PPP1R9A: variants seen among roughly 807,000 people sequenced by gnomAD.
PPP1R9A encodes the protein neurabin-1.
Under a neutral mutation model 141.9 loss-of-function variants are expected in PPP1R9A, and 59 were observed. The observed-to-expected ratio is 0.42, with a 90% CI of 0.34 to 0.52. PPP1R9A has a LOEUF of 0.52. Among genes scored for constraint, PPP1R9A ranks in the 20% least tolerant of loss-of-function variants. The probability of loss-of-function intolerance (pLI) is 0.10; values close to 1 mark genes in which losing one functional copy is unlikely to be tolerated. For synonymous variants in PPP1R9A, 500 were observed against 569.7 expected, an observed-to-expected ratio of 0.88 and a Z score of 1.74; for missense variants, 1,444 against 1,611.9, an observed-to-expected ratio of 0.90 and a Z score of 1.78.
intron 2 of PPP1R9A, among the ~76,000 whole-genome samples, chr7:94,920,523 T>C (rs990410022): frequency 1.3e-5 from 2 of 152,226 alleles, no homozygotes; most frequent in Non-Finnish European, 2.9e-5. Context: ...ATCTATTTCA[T>C]TGGTATTTTT....
At chr7:95,089,791 T>C (rs1584631678) in intron 2 of PPP1R9A, among the ~76,000 whole-genome samples, 1 of 152,054 alleles carries the variant, frequency 6.6e-6, no homozygotes. Flanking sequence ...TTCTTTAGAC[T>C]AATCAATATG....
chr7:95,095,570 T>C (rs895747241), intron 2 of PPP1R9A, among the ~76,000 whole-genome samples: 1 of 152,222 alleles, frequency 6.6e-6, no homozygotes, highest in Non-Finnish European at 1.5e-5. Context: ...ATACCATTTG[T>C]AGATTTAGCT....
intron 4 of PPP1R9A, among the ~76,000 whole-genome samples, chr7:95,135,314 TG>T (rs1390174724): frequency 1.3e-5 from 2 of 152,238 alleles, no homozygotes; most frequent in African/African-American, 4.8e-5. Context: ...AAATTACTTT[TG>T]CTAAATTACT....
chr7:95,169,078 G>A (rs952861649), intron 5 of PPP1R9A, among the ~76,000 whole-genome samples: 1 of 152,074 alleles, frequency 6.6e-6, no homozygotes, highest in Non-Finnish European at 1.5e-5. Flanking sequence ...AGAGATGGCA[G>A]CATCTCAGTG....
chr7:95,094,233 C>T (rs1817720525), intron 2 of PPP1R9A, among the ~76,000 whole-genome samples: 2 of 152,138 alleles, frequency 1.3e-5, no homozygotes, highest in African/African-American at 4.8e-5. Flanking sequence ...CTTTGGATGT[C>T]TTTCTGCATG....
At chr7:95,139,376 G>A (rs148563241) in intron 4 of PPP1R9A, among the ~76,000 whole-genome samples, 1 of 152,232 alleles carries the variant, frequency 6.6e-6, no homozygotes, top group African/African-American at 2.4e-5. Context: ...ACCTCCTATC[G>A]GGTCCCTCCC....
intron 2 of PPP1R9A, among the ~76,000 whole-genome samples, chr7:95,094,356 A>C (rs1817737427): frequency 6.6e-6 from 1 of 152,200 alleles, no homozygotes; most frequent in African/African-American, 2.4e-5. Flanking sequence ...GGAAAGTACA[A>C]AAAAGTATAC....
intron 4 of PPP1R9A, among the ~76,000 whole-genome samples, chr7:95,141,527 C>G (rs907563391): frequency 2.6e-5 from 4 of 152,106 alleles, no homozygotes; most frequent in African/African-American, 2.4e-5. Flanking sequence ...CCCCCCAGCT[C>G]TCCTCTCCCT....
chr7:95,018,322 A>G, intron 2 of PPP1R9A: 1 of 228,814 alleles, frequency 4.4e-6, no homozygotes, highest in Non-Finnish European at 1.0e-5. Flanking sequence ...TTAAATGTCC[A>G]AGAAGGCTCT....
At position 95,103,922 on chromosome 7, in the gene PPP1R9A, T is replaced by A. The variant is rs60576655; in HGVS notation, c.1396-7337T>A. On this transcript the variant is annotated intron_variant, in intron 2 of 19. Transcript: ENST00000433360. ...AAGTACTTTGGCATATATAACATAA[T>A]ATTTATGGGAGTAACTTTGTTTTAG... Among the ~76,000 whole-genome samples, 429 of 152,296 alleles carry A rather than the reference T, an allele frequency of 2.8e-3. 1 individual carries two copies. The highest frequency in any genetic ancestry group is 9.5e-3 in the African/African-American group (394 of 41,560).
At chr7:95,190,225 G>A (rs1835295608) in intron 5 of PPP1R9A, among the ~76,000 whole-genome samples, 1 of 152,182 alleles carries the variant, frequency 6.6e-6, no homozygotes, top group Non-Finnish European at 1.5e-5. Context: ...ATCCCTTGAT[G>A]TGGTACATTT....
chr7:95,062,044 G>T (rs1173605359), intron 2 of PPP1R9A, among the ~76,000 whole-genome samples: 1 of 152,050 alleles, frequency 6.6e-6, no homozygotes. Context: ...TCTTTAACTT[G>T]CATCCTCTGG....
chr7:95,049,704 A>G (rs1039629720), intron 2 of PPP1R9A, among the ~76,000 whole-genome samples: 6 of 152,130 alleles, frequency 3.9e-5, no homozygotes, highest in Non-Finnish European at 7.4e-5. Context: ...CCTCCTGCCA[A>G]TTGCTAATGT....
At chr7:95,079,122 G>A (rs1469574687) in intron 2 of PPP1R9A, among the ~76,000 whole-genome samples, 2 of 152,138 alleles carry the variant, frequency 1.3e-5, no homozygotes, top group East Asian at 1.9e-4. Context: ...TAGGTCTAAC[G>A]TTTAAGTCTT....
At chr7:94,925,270 C>T (rs1165829779) in intron 2 of PPP1R9A, among the ~76,000 whole-genome samples, 1 of 152,000 alleles carries the variant, frequency 6.6e-6, no homozygotes, top group Non-Finnish European at 1.5e-5. Context: ...TTCAATGAGG[C>T]CCACCCACAT....
At chr7:94,922,492 A>G (rs1314382694) in intron 2 of PPP1R9A, among the ~76,000 whole-genome samples, 1 of 152,148 alleles carries the variant, frequency 6.6e-6, no homozygotes, top group Admixed American at 6.5e-5. Context: ...TGAGTTGGTA[A>G]AAGTTAAAGC....
chr7:94,931,201 C>A (rs551645317), intron 2 of PPP1R9A, among the ~76,000 whole-genome samples: 1 of 152,176 alleles, frequency 6.6e-6, no homozygotes, highest in African/African-American at 2.4e-5. Context: ...TTAATTTACA[C>A]TGAAAAAAGA....
intron 12 of PPP1R9A, among the ~76,000 whole-genome samples, chr7:95,266,601 A>G (rs1224355900): frequency 3.9e-5 from 6 of 152,126 alleles, no homozygotes; most frequent in South Asian, 4.1e-4. Flanking sequence ...ATGCTACTCA[A>G]GTTCTCTGAG....
Position 95,292,054 on chromosome 7 carries a change from A to G in PPP1R9A, c.*1751A>G, listed in dbSNP as rs1009880274. ...GTTATGCGTCAGCTCTTTTGTCATT[A>G]GGTACAGACCCTTCATTCAATCCTC... On this transcript the variant is annotated 3_prime_UTR_variant, in exon 20 of 20. Coordinates refer to ENST00000433360, the MANE Select transcript of PPP1R9A (RefSeq NM_001166160.2). 6.6e-6 allele frequency: 1 copy of G among 152,118 alleles called. No homozygotes were observed. The highest frequency in any genetic ancestry group is 6.6e-5 in the Admixed American group (1 of 15,260). 9.4% of individuals were successfully genotyped at this position (152,118 alleles called of 1,614,324 possible). A position where few individuals can be genotyped will look rare whatever the true frequency, so the allele number is the denominator to read the frequency against.
Sources: gnomAD v4.1 joint callset for allele counts (sites outside exome capture counted in the v4.1 genomes callset) on GRCh38, gnomAD v4.1.1 for gene constraint, MANE v1.5 for transcripts, NCBI Gene and HGNC (gene_info 2026-07-23, HGNC 2026-07-21) for gene names.